Variants in PCDH15 observed in about 807,000 individuals in gnomAD.
The protein encoded by PCDH15 is protocadherin-15.
In PCDH15, 129 loss-of-function variants were observed where a neutral mutation model predicts 178.5. That is an observed-to-expected ratio of 0.72 (90% confidence interval 0.63 to 0.84). The LOEUF is 0.84. Among genes scored for constraint, PCDH15 ranks in the 40% least tolerant of loss-of-function variants. The pLI is 0.00. For synonymous variants in PCDH15, 800 were observed against 732.0 expected (o/e 1.09, Z -1.50); for missense variants, 2,230 against 2,099.9 (o/e 1.06, Z -1.21).
intron 3 of PCDH15, among the ~76,000 whole-genome samples, chr10:54,411,372 T>C (rs1264755686): frequency 6.6e-6 from 1 of 152,186 alleles, no homozygotes; most frequent in Admixed American, 6.6e-5. Context: ...TCACTGACTT[T>C]TTAAAATAAA....
At chr10:55,464,506 A>G (rs1407290574) in intron 2 of PCDH15, among the ~76,000 whole-genome samples, 3 of 152,040 alleles carry the variant, frequency 2.0e-5, no homozygotes, top group African/African-American at 7.2e-5. Context: ...TAGCACTCAC[A>G]TTGCTTTGCA....
rs1838660395 is a variant in PCDH15 at position 55,422,995 on chromosome 10, G to T, written c.-156+204630C>A. Among the ~76,000 whole-genome samples, 4 of 151,708 alleles carry T rather than the reference G, an allele frequency of 2.6e-5. No homozygotes were observed. In the South Asian group the frequency reaches 8.3e-4, roughly 31 times the overall value. On this transcript the variant is annotated intron_variant, in intron 2 of 5. Transcript: ENST00000613346. Reference sequence around the variant, plus strand: ...CATAAAGTATGTCCAGTATAATTTAGAGTACAATGTACATAAATTACTAAA... The same window carrying T: ...CATAAAGTATGTCCAGTATAATTTATAGTACAATGTACATAAATTACTAAA...
At chr10:53,817,527 C>CTTTTTTTTTT (rs568238130) in intron 34 of PCDH15, among the ~76,000 whole-genome samples, 4 of 95,158 alleles carry the variant, frequency 4.2e-5, no homozygotes, top group South Asian at 3.3e-4. Context: ...TTTTTTTTTT[C>CTTTTTTTTTT]TTTTTTTTTT....
At chr10:55,406,153 A>G (rs1838193042) in intron 2 of PCDH15, among the ~76,000 whole-genome samples, 1 of 151,956 alleles carries the variant, frequency 6.6e-6, no homozygotes, top group South Asian at 2.1e-4. Context: ...GGAGAATAGC[A>G]GGGGATGAGG....
At position 53,999,497 on chromosome 10, in the gene PCDH15, A is replaced by G. The variant is rs372264593; in HGVS notation, c.2752-3732T>C. Among the ~76,000 whole-genome samples, 101 of 152,308 alleles carry G rather than the reference A, an allele frequency of 6.6e-4. No individual in the cohort carries two copies. In the Middle Eastern group the frequency reaches 0.01, roughly 15 times the overall value. On this transcript the variant is annotated intron_variant, in intron 20 of 37. Coordinates refer to ENST00000644397, the MANE Select transcript of PCDH15 (RefSeq NM_001384140.1). ...TCATAAAAGGCTACATCTGCAGCTA[A>G]AGAAAATATTTGATATTTTTACTGC...
chr10:54,965,161 AATATTTT>A (rs1308329220), intron 2 of PCDH15, among the ~76,000 whole-genome samples: 3 of 152,172 alleles, frequency 2.0e-5, no homozygotes, highest in African/African-American at 7.2e-5. Flanking sequence ...AACAAAATAC[AATATTTT>A]GCAAGTAAGG....
intron 3 of PCDH15, among the ~76,000 whole-genome samples, chr10:54,461,323 G>T (rs2077152329): frequency 6.6e-6 from 1 of 152,042 alleles, no homozygotes; most frequent in East Asian, 1.9e-4. Flanking sequence ...TTCATGTACA[G>T]CAGATCATGT....
chr10:55,181,828 CA>C (rs1431162241), intron 1 of PCDH15, among the ~76,000 whole-genome samples: 1 of 151,908 alleles, frequency 6.6e-6, no homozygotes, highest in African/African-American at 2.4e-5. Context: ...ATTTTTAATA[CA>C]GAGGTATTTA....
intron 2 of PCDH15, among the ~76,000 whole-genome samples, chr10:54,624,928 A>C (rs1038382399): frequency 5.3e-5 from 8 of 152,164 alleles, no homozygotes; most frequent in Non-Finnish European, 1.2e-4. Context: ...CATTATGGTG[A>C]GTTATATAAT....
chr10:54,756,096 C>CACACACACACAA (rs1469590473), intron 1 of PCDH15, among the ~76,000 whole-genome samples: 3 of 146,520 alleles, frequency 2.0e-5, no homozygotes, highest in Non-Finnish European at 4.5e-5. Flanking sequence ...CACACACACA[C>CACACACACACAA]AAAATTAGCT....
intron 15 of PCDH15, among the ~76,000 whole-genome samples, chr10:54,099,513 A>AAAAAATATATATAT (rs1347306483): frequency 8.5e-6 from 1 of 117,902 alleles, no homozygotes; most frequent in African/African-American, 3.8e-5. Flanking sequence ...AAAAAAAAAA[A>AAAAAATATATATAT]ATATATATAT....
intron 2 of PCDH15, among the ~76,000 whole-genome samples, chr10:55,030,881 C>G (rs1254618775): frequency 6.6e-6 from 1 of 151,850 alleles, no homozygotes. Flanking sequence ...GTAAAAGAAG[C>G]AAGCTGTAAA....
At chr10:54,100,185 G>T (rs772774983) in intron 15 of PCDH15, among the ~76,000 whole-genome samples, 1 of 151,994 alleles carries the variant, frequency 6.6e-6, no homozygotes. Context: ...GACCAACATG[G>T]TGAAACCTGT....
Position 53,857,231 on chromosome 10 carries a change from G to A in PCDH15, c.3750C>T (p.Val1250=). Residue 1250 remains valine, a synonymous_variant, in exon 28 of 38, where the codon GTC becomes GTT. Coordinates refer to ENST00000644397, the MANE Select transcript of PCDH15 (RefSeq NM_001384140.1). ...GAGTAGGAGGCACATTGGAAACAAT[G>A]ACTTGCATATCCAGCTGATTGACCA... The part of the protein sequence containing the change: ...VSVVNQLDMQ[V]IVSNVPPTLV... The A allele has an allele frequency of 6.2e-7, 1 of 1,611,656 alleles. No individual in the cohort carries two copies. The highest frequency in any genetic ancestry group is 8.5e-7 in the Non-Finnish European group (1 of 1,178,328).
chr10:55,267,174 G>A (rs572611218), intron 1 of PCDH15, among the ~76,000 whole-genome samples: 4 of 152,080 alleles, frequency 2.6e-5, no homozygotes, highest in African/African-American at 9.6e-5. Flanking sequence ...AGAAAGAAAT[G>A]TATACACATA....
intron 1 of PCDH15, among the ~76,000 whole-genome samples, chr10:55,313,875 TA>T (rs1360742522): frequency 1.3e-5 from 2 of 152,066 alleles, no homozygotes; most frequent in African/African-American, 4.8e-5. Context: ...AAAAATATGC[TA>T]TTTGTGTTCT....
chr10:55,388,609 T>A (rs1212857132), intron 2 of PCDH15, among the ~76,000 whole-genome samples: 1 of 152,122 alleles, frequency 6.6e-6, no homozygotes, highest in East Asian at 1.9e-4. Flanking sequence ...ATTCTATATG[T>A]ACAATTACAG....
At chr10:55,404,384 C>T (rs892360795) in intron 2 of PCDH15, among the ~76,000 whole-genome samples, 1 of 152,046 alleles carries the variant, frequency 6.6e-6, no homozygotes, top group East Asian at 1.9e-4. Context: ...TATCCTGTGA[C>T]AGCGCTTAGG....
intron 2 of PCDH15, among the ~76,000 whole-genome samples, chr10:55,141,714 T>A (rs964012703): frequency 1.3e-5 from 2 of 152,080 alleles, no homozygotes; most frequent in Admixed American, 1.3e-4. Context: ...TACATTACAA[T>A]TTTTGTAAGC....
Sources: allele counts gnomAD v4.1 joint callset (sites outside exome capture counted in the v4.1 genomes callset), GRCh38; gene constraint gnomAD v4.1.1; transcripts MANE v1.5; gene names NCBI Gene and HGNC (gene_info 2026-07-23, HGNC 2026-07-21).